The following TRAF3IP1 variants were observed in gnomAD, a reference collection of about 807,000 sequenced individuals.
TRAF3IP1 encodes the protein TRAF3-interacting protein 1.
TRAF3IP1 carries 53 observed loss-of-function variants against 89.9 expected under a neutral mutation model. The observed-to-expected ratio is 0.59, with a 90% CI of 0.47 to 0.74. TRAF3IP1 has a LOEUF of 0.74. Among genes scored for constraint, TRAF3IP1 ranks in the 30% least tolerant of loss-of-function variants. The pLI is 0.00. For missense variants in TRAF3IP1, 806 were observed against 866.1 expected (o/e 0.93, Z 0.87); for synonymous variants, 311 against 322.1 (o/e 0.97, Z 0.37).
intron 8 of TRAF3IP1, among the ~76,000 whole-genome samples, chr2:238,342,367 T>C (rs902693371): frequency 2.0e-5 from 3 of 152,204 alleles, no homozygotes; most frequent in East Asian, 1.9e-4. Flanking sequence ...TTCTCTGTGA[T>C]TATGAATTGA....
chr2:238,386,982 G>A (rs1700799480), intron 15 of TRAF3IP1, among the ~76,000 whole-genome samples: 1 of 152,064 alleles, frequency 6.6e-6, no homozygotes, highest in African/African-American at 2.4e-5. Flanking sequence ...ATTCATTATA[G>A]ACAATATAAT....
intron 3 of TRAF3IP1, among the ~76,000 whole-genome samples, chr2:238,327,903 G>A (rs1697917227): frequency 6.6e-6 from 1 of 152,080 alleles, no homozygotes; most frequent in South Asian, 2.1e-4. Flanking sequence ...CCATGTTGTG[G>A]CATGTATCAG....
chr2:238,357,258 A>T (rs1318268368), intron 15 of TRAF3IP1, among the ~76,000 whole-genome samples: 1 of 152,224 alleles, frequency 6.6e-6, no homozygotes. Context: ...GTGTGTCTCA[A>T]ATGCCACAGC....
chr2:238,338,447 A>G lies in TRAF3IP1; in HGVS notation c.1149A>G (p.Thr383=). ...INNEPNQETT[T]SEIGTKEANI... is the part of the protein sequence containing the mutation. ...ATGAGCCAAATCAGGAAACGACAAC[A>G]TCAGAAATAGGTAAGAAAAATATAT... Residue 383 remains threonine, a synonymous_variant, in exon 8 of 17, where the codon ACA becomes ACG. Transcript: ENST00000373327. 6.3e-7 allele frequency: 1 copy of G among 1,575,972 alleles called. No homozygotes were observed. The highest frequency in any genetic ancestry group is 8.7e-7 in the Non-Finnish European group (1 of 1,155,644).
intron 15 of TRAF3IP1, among the ~76,000 whole-genome samples, chr2:238,375,324 G>A (rs1700271165): frequency 6.6e-6 from 1 of 152,192 alleles, no homozygotes; most frequent in Non-Finnish European, 1.5e-5. Context: ...ATTCCGGTAT[G>A]TTGTGTCTTT....
intron 15 of TRAF3IP1, among the ~76,000 whole-genome samples, chr2:238,382,116 A>T (rs538967702): frequency 6.6e-6 from 1 of 152,338 alleles, no homozygotes; most frequent in African/African-American, 2.4e-5. Context: ...CACCAAAGCC[A>T]TGGGGACATG....
At chr2:238,328,613 G>C in intron 3 of TRAF3IP1, 73 bp from the exon 4 acceptor site, 16 of 1,515,374 alleles carry the variant, frequency 1.1e-5, no homozygotes, top group Non-Finnish European at 1.4e-5. Flanking sequence ...TCTTTGAATG[G>C]CGATGTTCTA....
chr2:238,338,367 A>T lies in TRAF3IP1; in HGVS notation c.1069A>T (p.Lys357Ter), dbSNP rs1472283006. 6.5e-7 allele frequency: 1 copy of T among 1,549,778 alleles called. No individual in the cohort carries two copies. The highest frequency in any genetic ancestry group is 8.8e-7 in the Non-Finnish European group (1 of 1,139,346). The change falls in exon 8 of 17, where the codon AAG becomes TAG. Residue 357 changes from lysine to a stop codon, truncating the protein, a stop_gained. Coordinates refer to ENST00000373327, the MANE Select transcript of TRAF3IP1 (RefSeq NM_015650.4). LOFTEE classifies it high-confidence loss of function. ...RRSKNSVEGR[K>*]EDNISAKSLD... Reference sequence around the variant, plus strand: ...TGTTAACTATTTTATGTCAGGAAGGAAGGAGGATAATATTTCAGCTAAAAG... The same window carrying T: ...TGTTAACTATTTTATGTCAGGAAGGTAGGAGGATAATATTTCAGCTAAAAG...
chr2:238,326,113 C>A, intron 3 of TRAF3IP1, 143 bp downstream of exon 3: 1 of 729,590 alleles, frequency 1.4e-6, no homozygotes, highest in Non-Finnish European at 2.2e-6. Flanking sequence ...TCTGATCCCA[C>A]CCCTTCTGGA....
intron 8 of TRAF3IP1, among the ~76,000 whole-genome samples, chr2:238,341,555 AAC>A: frequency 2.0e-5 from 3 of 150,362 alleles, no homozygotes; most frequent in Non-Finnish European, 3.0e-5. Flanking sequence ...TTAAAAAAAA[AAC>A]ACTGGCTATT....
intron 8 of TRAF3IP1, among the ~76,000 whole-genome samples, chr2:238,342,655 G>A (rs1485594091): frequency 1.3e-5 from 2 of 151,966 alleles, no homozygotes; most frequent in Non-Finnish European, 2.9e-5. Context: ...CTAAAGTTGA[G>A]CATCTACAAC....
chr2:238,393,901 T>G (rs932290381), intron 15 of TRAF3IP1, among the ~76,000 whole-genome samples: 9 of 152,184 alleles, frequency 5.9e-5, no homozygotes, highest in Admixed American at 2.6e-4. Context: ...TTACTGTAAT[T>G]GTATAAAAAG....
Position 238,325,990 on chromosome 2 carries a change from A to G in TRAF3IP1, c.354+20A>G, listed in dbSNP as rs765042926. On this transcript the variant is annotated intron_variant, in intron 3 of 16. Transcript: ENST00000373327. ...AACAAGGTACTACTGCTGTCCTGGC[A>G]TTTTGAACTTACTTAGTACTTGAGT... is the stretch of plus-strand genomic sequence containing the variant. The G allele has an allele frequency of 2.4e-5, 39 of 1,601,446 alleles. 2 individuals carry two copies. In the South Asian group the frequency reaches 4.0e-4, roughly 17 times the overall value.
At chr2:238,374,489 G>C (rs902879162) in intron 15 of TRAF3IP1, among the ~76,000 whole-genome samples, 2 of 152,152 alleles carry the variant, frequency 1.3e-5, no homozygotes, top group Non-Finnish European at 2.9e-5. Flanking sequence ...CTTGACCATG[G>C]TGGATAAGCT....
chr2:238,353,080 A>G, intron 13 of TRAF3IP1, 93 bp from the exon 14 acceptor site: 1 of 1,571,542 alleles, frequency 6.4e-7, no homozygotes, highest in South Asian at 1.2e-5. Flanking sequence ...ACCTTCGTTA[A>G]TTTTGTTGTT....
At chr2:238,389,510 G>A (rs1700909061) in intron 15 of TRAF3IP1, among the ~76,000 whole-genome samples, 1 of 152,034 alleles carries the variant, frequency 6.6e-6, no homozygotes, top group Non-Finnish European at 1.5e-5. Flanking sequence ...CACTTTGGGA[G>A]GCCAAGGTGG....
Position 238,359,902 on chromosome 2 carries a change from A to G in TRAF3IP1, c.1689+3822A>G, listed in dbSNP as rs73090943. Among the ~76,000 whole-genome samples, 219 of 152,304 alleles carry G rather than the reference A, an allele frequency of 1.4e-3. 1 individual carries two copies. Among genetic ancestry groups the G allele is most frequent in the African/African-American group, 5.1e-3 (210 of 41,566 alleles). Reference sequence around the variant, plus strand: ...TTCAGTAAGAGATGGACAATAACTGATATTAAACAGAACAATTTTAACAAT... The same window carrying G: ...TTCAGTAAGAGATGGACAATAACTGGTATTAAACAGAACAATTTTAACAAT... On this transcript the variant is annotated intron_variant, in intron 15 of 16. Transcript: ENST00000373327.
chr2:238,371,954 T>C (rs940327718), intron 15 of TRAF3IP1, among the ~76,000 whole-genome samples: 2 of 152,226 alleles, frequency 1.3e-5, no homozygotes, highest in Non-Finnish European at 2.9e-5. Context: ...TGAAACTGAT[T>C]AAGCATATAG....
chr2:238,390,543 G>A (rs1211652679), intron 15 of TRAF3IP1, among the ~76,000 whole-genome samples: 1 of 152,122 alleles, frequency 6.6e-6, no homozygotes, highest in African/African-American at 2.4e-5. Context: ...ATGTTTCATA[G>A]CCAACAAGTT....
Sources: allele counts gnomAD v4.1 joint callset (sites outside exome capture counted in the v4.1 genomes callset), GRCh38; gene constraint gnomAD v4.1.1; transcripts MANE v1.5; gene names NCBI Gene and HGNC (gene_info 2026-07-23, HGNC 2026-07-21).